ESRRG: variants seen among roughly 807,000 people sequenced by gnomAD.
ESRRG encodes the protein estrogen-related receptor gamma.
A neutral mutation model predicts 44.0 loss-of-function variants in ESRRG; 13 were observed. The observed-to-expected ratio is 0.30, with a 90% CI of 0.19 to 0.47. The LOEUF (loss-of-function observed/expected upper bound fraction) is 0.47, where lower values mean the gene tolerates loss of function less well. Among genes scored for constraint, ESRRG ranks in the 20% least tolerant of loss-of-function variants. The pLI, the probability that ESRRG is intolerant of heterozygous loss-of-function variation, is 1.00. For missense variants in ESRRG, 395 were observed against 580.6 expected (o/e 0.68, Z 3.29); for synonymous variants, 215 against 214.6 (o/e 1.00, Z -0.02).
intron 2 of ESRRG, among the ~76,000 whole-genome samples, chr1:216,670,967 C>T (rs1286850754): frequency 1.3e-5 from 2 of 152,148 alleles, no homozygotes; most frequent in Non-Finnish European, 2.9e-5. Context: ...GAGACTAGAA[C>T]AAATTTCACT....
chr1:216,546,044 G>A (rs749891002), intron 5 of ESRRG, among the ~76,000 whole-genome samples: 2 of 151,984 alleles, frequency 1.3e-5, no homozygotes, highest in Non-Finnish European at 2.9e-5. Flanking sequence ...CTCACTCATA[G>A]GATGGTTTAA....
intron 3 of ESRRG, among the ~76,000 whole-genome samples, chr1:216,581,635 A>AAGAGAGAGAG (rs112365344): frequency 1.1e-4 from 16 of 150,162 alleles, no homozygotes; most frequent in African/African-American, 2.2e-4. Context: ...TGTTTAAATA[A>AAGAGAGAGAG]AGAGAGAGAG....
intron 1 of ESRRG, among the ~76,000 whole-genome samples, chr1:217,079,741 G>A (rs1422859989): frequency 6.6e-6 from 1 of 152,134 alleles, no homozygotes; most frequent in Non-Finnish European, 1.5e-5. Context: ...ACAGCGCCTG[G>A]CACGCATGCA....
At chr1:217,067,172 A>G (rs1325108090) in intron 1 of ESRRG, among the ~76,000 whole-genome samples, 2 of 152,258 alleles carry the variant, frequency 1.3e-5, no homozygotes, top group Non-Finnish European at 1.5e-5. Flanking sequence ...TATGAGATCC[A>G]TAAGAATTGA....
At chr1:217,009,417 C>T (rs1469258143) in intron 1 of ESRRG, among the ~76,000 whole-genome samples, 1 of 152,140 alleles carries the variant, frequency 6.6e-6, no homozygotes, top group Non-Finnish European at 1.5e-5. Context: ...TTCCAAAAGA[C>T]ACAGAGGGAC....
At chr1:216,771,416 A>G (rs1161738515) in intron 2 of ESRRG, among the ~76,000 whole-genome samples, 2 of 152,152 alleles carry the variant, frequency 1.3e-5, no homozygotes, top group African/African-American at 4.8e-5. Flanking sequence ...GTTATCTAAT[A>G]AGTAAAATAT....
chr1:217,093,387 G>GA (rs2092378178), upstream of ESRRG, among the ~76,000 whole-genome samples: 1 of 151,538 alleles, frequency 6.6e-6, no homozygotes, highest in African/African-American at 2.4e-5. Context: ...TGAAGGATGC[G>GA]AAAAAAATGC....
chr1:216,715,583 C>A (rs1274649355), intron 1 of ESRRG, among the ~76,000 whole-genome samples: 33 of 152,052 alleles, frequency 2.2e-4, no homozygotes, highest in Admixed American at 2.2e-3. Context: ...ATCAATTGAA[C>A]AACCTCACAG....
At chr1:217,137,396 T>G (rs2093063713) in intron 1 of ESRRG, among the ~76,000 whole-genome samples, 1 of 152,170 alleles carries the variant, frequency 6.6e-6, no homozygotes, top group Non-Finnish European at 1.5e-5. Flanking sequence ...GCTCAGGCAG[T>G]AGCTCCCCCT....
chr1:216,540,993 G>T (rs182672023), intron 5 of ESRRG, among the ~76,000 whole-genome samples: 11 of 152,062 alleles, frequency 7.2e-5, no homozygotes, highest in Non-Finnish European at 1.2e-4. Flanking sequence ...AAGAGACAGG[G>T]ATTCTCTTTT....
chr1:216,618,277 C>T (rs1319483157), intron 3 of ESRRG, among the ~76,000 whole-genome samples: 1 of 152,130 alleles, frequency 6.6e-6, no homozygotes, highest in Non-Finnish European at 1.5e-5. Context: ...GCGTGTTTTC[C>T]CAATAGTGGG....
chr1:216,813,168 G>A (rs1052455136), intron 2 of ESRRG, among the ~76,000 whole-genome samples: 4 of 152,068 alleles, frequency 2.6e-5, no homozygotes, highest in Admixed American at 2.0e-4. Flanking sequence ...GAAAACCCAC[G>A]ACTCAGATAC....
chr1:216,828,507 A>G (rs959969728), intron 2 of ESRRG, among the ~76,000 whole-genome samples: 5 of 152,174 alleles, frequency 3.3e-5, no homozygotes, highest in Admixed American at 6.5e-5. Context: ...AACAATAGTA[A>G]GAGTTTTATA....
At chr1:216,983,038 T>G (rs1030027454) in intron 1 of ESRRG, among the ~76,000 whole-genome samples, 1 of 151,504 alleles carries the variant, frequency 6.6e-6, no homozygotes, top group Non-Finnish European at 1.5e-5. Context: ...ACTGTTTTTT[T>G]TTTTTTTTTT....
chr1:216,636,927 T>C (rs917214833), intron 3 of ESRRG, among the ~76,000 whole-genome samples: 1 of 152,222 alleles, frequency 6.6e-6, no homozygotes. Flanking sequence ...TGAATTTCTG[T>C]TCCTTTTACT....
intron 2 of ESRRG, among the ~76,000 whole-genome samples, chr1:216,814,763 G>A (rs561795603): frequency 3.2e-4 from 49 of 152,034 alleles, no homozygotes; most frequent in African/African-American, 1.1e-3. Flanking sequence ...TTTAAATGTC[G>A]GTGGATAGTT....
intron 2 of ESRRG, among the ~76,000 whole-genome samples, chr1:216,858,310 G>A (rs1344907382): frequency 3.3e-5 from 5 of 151,702 alleles, no homozygotes; most frequent in Non-Finnish European, 5.9e-5. Context: ...GGTGGCGGGT[G>A]CCTGTAGTCC....
In ESRRG at chr1:216,657,106, CT is replaced by C. The variant is rs1333469938; in HGVS notation, c.473-6018del. ...CCATTTTTACAGTGATCTAACTTTCCTTTTTTTCTTTGTTTTTCTTTCTTAT... is the reference window on the plus strand; with the variant it reads ...CCATTTTTACAGTGATCTAACTTTCCTTTTTTCTTTGTTTTTCTTTCTTAT... On this transcript the variant is annotated intron_variant, in intron 2 of 6. Coordinates refer to ENST00000408911, the MANE Select transcript of ESRRG (RefSeq NM_001438.4). 9.2e-5 allele frequency among the ~76,000 whole-genome samples: 14 copies of C among 152,154 alleles called. No homozygotes were observed. The South Asian group carries it at 1.7e-3, about 18-fold the overall frequency.
intron 2 of ESRRG, among the ~76,000 whole-genome samples, chr1:216,906,455 A>C (rs1471176131): frequency 6.6e-6 from 1 of 152,154 alleles, no homozygotes; most frequent in Non-Finnish European, 1.5e-5. Context: ...GCCTTTGTCC[A>C]TCAGACATAT....
Sources: allele counts gnomAD v4.1 joint callset (sites outside exome capture counted in the v4.1 genomes callset), GRCh38; gene constraint gnomAD v4.1.1; transcripts MANE v1.5; gene names NCBI Gene and HGNC (gene_info 2026-07-23, HGNC 2026-07-21).